The following SFT2D2 variants were observed in gnomAD, a reference collection of about 807,000 sequenced individuals.
SFT2D2 encodes the protein vesicle transport protein SFT2B.
In SFT2D2, 21 loss-of-function variants were observed where a neutral mutation model predicts 27.4. The ratio of observed to expected loss-of-function variants is 0.77; its 90% CI spans 0.54 to 1.10. The LOEUF is 1.10. SFT2D2 is among the 50% of genes least tolerant of loss of function. The probability of loss-of-function intolerance (pLI) is 0.00; values close to 1 mark genes in which losing one functional copy is unlikely to be tolerated. For missense variants in SFT2D2, 187 were observed against 194.2 expected (o/e 0.96, Z 0.22); for synonymous variants, 72 against 71.7 (o/e 1.00, Z -0.02).
At chr1:168,239,683 G>A (rs1647593230) in intron 7 of SFT2D2, among the ~76,000 whole-genome samples, 1 of 151,710 alleles carries the variant, frequency 6.6e-6, no homozygotes, top group South Asian at 2.1e-4. Flanking sequence ...AGACTGAGTT[G>A]GTCTAGATCA....
chr1:168,242,680 T>A lies in SFT2D2; in HGVS notation c.*140T>A. ...AATGTGTTGCTTGTGATTCGAACATTTGAGGGTTACTTTTGGAAGCAACAA... is the reference window on the plus strand; with the variant it reads ...AATGTGTTGCTTGTGATTCGAACATATGAGGGTTACTTTTGGAAGCAACAA... On this transcript the variant is annotated 3_prime_UTR_variant, in exon 8 of 8. Coordinates refer to ENST00000271375, the MANE Select transcript of SFT2D2 (RefSeq NM_199344.3). 9.8e-7 allele frequency: 1 copy of A among 1,024,360 alleles called. No homozygotes were observed. The highest frequency in any genetic ancestry group is 1.5e-6 in the Non-Finnish European group (1 of 657,774). The allele number at this position is 1,024,360 out of a possible 1,614,324, so 63.5% of individuals were successfully genotyped here. A position where few individuals can be genotyped will look rare whatever the true frequency, so the allele number is the denominator to read the frequency against.
At chr1:168,239,830 C>T (rs931834536) in intron 7 of SFT2D2, among the ~76,000 whole-genome samples, 2 of 139,546 alleles carry the variant, frequency 1.4e-5, no homozygotes, top group East Asian at 2.0e-4. Flanking sequence ...AACTTCTGTT[C>T]TTTTTTTTTT....
rs999921091 is a variant in SFT2D2, at chr1:168,243,721, A to T, written c.*1181A>T. 1 of 152,638 alleles carries T rather than the reference A, an allele frequency of 6.6e-6. No individual in the cohort carries two copies. The highest frequency in any genetic ancestry group is 2.4e-5 in the African/African-American group (1 of 41,446). 9.5% of individuals were successfully genotyped at this position (152,638 alleles called of 1,614,324 possible). ...CCACACTGGTTTTTGGATCCACCCA[A>T]AGCCACAGCTTCAGCCTCCTTCATG... On this transcript the variant is annotated 3_prime_UTR_variant, in exon 8 of 8. Transcript: ENST00000271375.
In SFT2D2 at chr1:168,246,615, T is replaced by G. The variant is rs891786352; in HGVS notation, c.*4075T>G. 3.1e-5 allele frequency: 46 copies of G among 1,464,944 alleles called. No individual in the cohort carries two copies. Among genetic ancestry groups the G allele is most frequent in the Non-Finnish European group, 3.9e-5 (41 of 1,063,356 alleles). The allele number at this position is 1,464,944 out of a possible 1,614,324, so 90.7% of individuals were successfully genotyped here. On this transcript the variant is annotated 3_prime_UTR_variant, in exon 8 of 8. Transcript: ENST00000271375. ...CCTGTAAATGACGCAATTTATCTAC[T>G]GTGCCCTGGAAATCAAGCTCTTGGT...
chr1:168,232,018 G>T, intron 3 of SFT2D2, 99 bp downstream of exon 3: 1 of 934,892 alleles, frequency 1.1e-6, no homozygotes, highest in Admixed American at 1.9e-5. Context: ...TCCAGTAGTT[G>T]TAAGGAATTT....
At chr1:168,231,155 C>T (rs1284285956) in intron 1 of SFT2D2, among the ~76,000 whole-genome samples, 1 of 152,154 alleles carries the variant, frequency 6.6e-6, no homozygotes, top group African/African-American at 2.4e-5. Flanking sequence ...TGGACGCATG[C>T]CTTTCCAGGT....
In SFT2D2 at chr1:168,235,038, C is replaced by T. The variant is rs927729115; in HGVS notation, c.237-63C>T. ...ATTGCCACAGGAAATCTTGGGGAGG[C>T]GACTCAGTGTGCCTAGTGCAGTTCT... On this transcript the variant is annotated intron_variant, in intron 3 of 7. Coordinates refer to ENST00000271375, the MANE Select transcript of SFT2D2 (RefSeq NM_199344.3). 9.2e-6 allele frequency: 13 copies of T among 1,411,938 alleles called. No individual in the cohort carries two copies. In the East Asian group the frequency reaches 1.4e-4, roughly 15 times the overall value. 87.5% of individuals were successfully genotyped at this position (1,411,938 alleles called of 1,614,324 possible). A position where few individuals can be genotyped will look rare whatever the true frequency, so the allele number is the denominator to read the frequency against.
intron 7 of SFT2D2, among the ~76,000 whole-genome samples, chr1:168,242,233 C>T (rs150528866): frequency 1.3e-4 from 20 of 152,344 alleles, no homozygotes; most frequent in Admixed American, 3.9e-4. Flanking sequence ...ATCTTTTTCT[C>T]TGATTATGAT....
intron 3 of SFT2D2, among the ~76,000 whole-genome samples, chr1:168,233,919 G>T (rs898806743): frequency 6.6e-6 from 1 of 152,172 alleles, no homozygotes; most frequent in Non-Finnish European, 1.5e-5. Context: ...TTCGGTGTAG[G>T]TTAAAGAAGT....
chr1:168,235,663 T>C (rs1456390184), intron 4 of SFT2D2, among the ~76,000 whole-genome samples: 2 of 152,216 alleles, frequency 1.3e-5, no homozygotes, highest in Non-Finnish European at 2.9e-5. Flanking sequence ...GGCCTCCTTA[T>C]GGCCTGTCAT....
intron 2 of SFT2D2, 102 bp from the exon 3 acceptor site, chr1:168,231,732 G>T (rs1647318931): frequency 4.2e-6 from 6 of 1,445,248 alleles, no homozygotes; most frequent in Non-Finnish European, 5.8e-6. Context: ...AATAAGGGAG[G>T]TGGGGAGGGA....
intron 2 of SFT2D2, 46 bp from the exon 3 acceptor site, chr1:168,231,788 G>A (rs533809997): frequency 8.2e-6 from 13 of 1,586,072 alleles, no homozygotes; most frequent in African/African-American, 8.1e-5. Flanking sequence ...TTGTGTGGCC[G>A]GGTGGGAGGG....
rs981792699 is a variant in SFT2D2 at position 168,250,410 on chromosome 1, T to C, written c.*7870T>C. Reference sequence around the variant, plus strand: ...TTAATGATGGTCTCTGTCTCCCTGCTGCCCTGCATTCCCTTCCCTTCCGTT... The same window carrying C: ...TTAATGATGGTCTCTGTCTCCCTGCCGCCCTGCATTCCCTTCCCTTCCGTT... On this transcript the variant is annotated 3_prime_UTR_variant, in exon 8 of 8. Transcript: ENST00000271375. 1 of 152,272 alleles carries C rather than the reference T, an allele frequency of 6.6e-6. No homozygotes were observed. The highest frequency in any genetic ancestry group is 1.5e-5 in the Non-Finnish European group (1 of 68,072). The allele number at this position is 152,272 out of a possible 1,614,324, so 9.4% of individuals were successfully genotyped here.
Position 168,231,875 on chromosome 1 carries a change from C to T in SFT2D2, c.192C>T (p.Leu64=). The T allele has an allele frequency of 6.2e-7, 1 of 1,614,148 alleles. No homozygotes were observed. The highest frequency in any genetic ancestry group is 2.2e-5 in the East Asian group (1 of 44,882). ...GGGTGCCCAGGAAGGGACTACACCT[C>T]TTCGCAGTGTTTTATACCTTTGGTA... ...LLWVPRKGLH[L]FAVFYTFGNI... is the part of the protein sequence containing the mutation. The change falls in exon 3 of 8, where the codon CTC becomes CTT. Residue 64 remains leucine (L), a synonymous_variant. Coordinates refer to ENST00000271375, the MANE Select transcript of SFT2D2 (RefSeq NM_199344.3).
At chr1:168,234,844 C>T (rs1167527702) in intron 3 of SFT2D2, among the ~76,000 whole-genome samples, 1 of 152,172 alleles carries the variant, frequency 6.6e-6, no homozygotes, top group Admixed American at 6.5e-5. Flanking sequence ...CATTTACAGC[C>T]TGGGTCTATC....
chr1:168,246,219 T>G lies in SFT2D2; in HGVS notation c.*3679T>G. 3.3e-6 allele frequency: 1 copy of G among 298,902 alleles called. No homozygotes were observed. Among genetic ancestry groups the G allele is most frequent in the Non-Finnish European group, 6.5e-6 (1 of 152,898 alleles). The allele number at this position is 298,902 out of a possible 1,614,324, so 18.5% of individuals were successfully genotyped here. A position where few individuals can be genotyped will look rare whatever the true frequency, so the allele number is the denominator to read the frequency against. ...TAGCAAAAGACGGTGCTTTATGCAC[T>G]CAGCTTGAAGATTTTGTGCTGTAGC... On this transcript the variant is annotated 3_prime_UTR_variant, in exon 8 of 8. Coordinates refer to ENST00000271375, the MANE Select transcript of SFT2D2 (RefSeq NM_199344.3).
chr1:168,248,313 T>G lies in SFT2D2; in HGVS notation c.*5773T>G, dbSNP rs1647871424. The G allele has an allele frequency of 6.6e-6, 1 of 152,324 alleles. No individual in the cohort carries two copies. The highest frequency in any genetic ancestry group is 2.4e-5 in the African/African-American group (1 of 41,468). The allele number at this position is 152,324 out of a possible 1,614,324, so 9.4% of individuals were successfully genotyped here. ...TTTTTATGGTTTTGGGTCTTACGTT[T>G]AAGACTTCCTCTTTTCCTAATTGAA... is the stretch of plus-strand genomic sequence containing the variant. On this transcript the variant is annotated 3_prime_UTR_variant, in exon 8 of 8. Coordinates refer to ENST00000271375, the MANE Select transcript of SFT2D2 (RefSeq NM_199344.3).
At chr1:168,240,955 G>A (rs1043533469) in intron 7 of SFT2D2, among the ~76,000 whole-genome samples, 1 of 152,136 alleles carries the variant, frequency 6.6e-6, no homozygotes, top group African/African-American at 2.4e-5. Context: ...ATCAAATCAA[G>A]GCATTAAACC....
chr1:168,239,477 T>A (rs924242396), intron 7 of SFT2D2, among the ~76,000 whole-genome samples: 66 of 147,046 alleles, frequency 4.5e-4, no homozygotes, highest in Non-Finnish European at 2.7e-4. Context: ...TTTTTTTTTT[T>A]ATAAAGGTGA....
Sources: allele counts gnomAD v4.1 joint callset (sites outside exome capture counted in the v4.1 genomes callset), GRCh38; gene constraint gnomAD v4.1.1; transcripts MANE v1.5; gene names NCBI Gene and HGNC (gene_info 2026-07-23, HGNC 2026-07-21).